Variants in NR3C2 observed in about 807,000 individuals in gnomAD.
The protein encoded by NR3C2 is mineralocorticoid receptor.
NR3C2 carries 15 observed loss-of-function variants against 86.4 expected under a neutral mutation model. The ratio of observed to expected loss-of-function variants is 0.17; its 90% CI spans 0.12 to 0.27. The LOEUF is 0.27. NR3C2 is among the 10% of genes least tolerant of loss of function. The pLI is 1.00. For synonymous variants in NR3C2, 458 were observed against 450.5 expected, an observed-to-expected ratio of 1.02 and a Z score of -0.21; for missense variants, 960 against 1,195.6, an observed-to-expected ratio of 0.80 and a Z score of 2.91.
rs114150906 is a variant in NR3C2 at position 148,411,676 on chromosome 4, G to A, written c.1757+23428C>T. On this transcript the variant is annotated intron_variant, in intron 2 of 8. Transcript: ENST00000358102. ...ATCCTTAAACCTTCTGGACAGTGTC[G>A]TCCTACTCACATCATCTTCAGACAA... Among the ~76,000 whole-genome samples, 161 of 152,194 alleles carry A rather than the reference G, an allele frequency of 1.1e-3. 2 individuals carry two copies. Among genetic ancestry groups the A allele is most frequent in the African/African-American group, 3.8e-3 (159 of 41,524 alleles).
At chr4:148,349,049 G>C (rs934943322) in intron 2 of NR3C2, among the ~76,000 whole-genome samples, 12 of 152,106 alleles carry the variant, frequency 7.9e-5, no homozygotes, top group Non-Finnish European at 1.8e-4. Context: ...GAAAGAAAAT[G>C]AAACGATCAT....
chr4:148,118,315 C>T (rs1488275879), intron 7 of NR3C2, among the ~76,000 whole-genome samples: 1 of 152,156 alleles, frequency 6.6e-6, no homozygotes, highest in African/African-American at 2.4e-5. Context: ...ACTCCAGTGG[C>T]CTTCTGTCGG....
intron 2 of NR3C2, among the ~76,000 whole-genome samples, chr4:148,376,895 CA>C (rs1404292520): frequency 2.6e-5 from 4 of 152,028 alleles, no homozygotes; most frequent in Non-Finnish European, 4.4e-5. Flanking sequence ...AAATCAACAA[CA>C]AAAACTCTTT....
At chr4:148,314,288 T>G (rs1743050632) in intron 2 of NR3C2, among the ~76,000 whole-genome samples, 1 of 152,230 alleles carries the variant, frequency 6.6e-6, no homozygotes, top group Non-Finnish European at 1.5e-5. Context: ...TTATGCTATT[T>G]TTAGTACAGT....
rs72645627 is a variant in NR3C2 at position 148,435,493 on chromosome 4, C to G, written c.1368G>C (p.Ser456=). 2 of 1,614,102 alleles carry G rather than the reference C, an allele frequency of 1.2e-6. No homozygotes were observed. The highest frequency in any genetic ancestry group is 2.2e-5 in the East Asian group (1 of 44,886). The change falls in exon 2 of 9, where the codon TCG becomes TCC. Residue 456 remains serine (S), a synonymous_variant. Transcript: ENST00000358102. ...TVNPFPFMDG[S]YFSFMDDKDY... is the part of the protein sequence containing the mutation. ...CTTTATCATCCATAAAGGAAAAATACGAGCCATCCATAAATGGAAACGGGT... is the reference window on the plus strand; with the variant it reads ...CTTTATCATCCATAAAGGAAAAATAGGAGCCATCCATAAATGGAAACGGGT...
intron 8 of NR3C2, among the ~76,000 whole-genome samples, chr4:148,106,525 T>C (rs1338326445): frequency 1.3e-5 from 2 of 152,098 alleles, no homozygotes; most frequent in Non-Finnish European, 2.9e-5. Flanking sequence ...TTAAATTTCA[T>C]ATGGAACCAA....
Position 148,379,814 on chromosome 4 carries a change from G to A in NR3C2, c.1757+55290C>T, listed in dbSNP as rs547349440. Among the ~76,000 whole-genome samples, 539 of 151,900 alleles carry A rather than the reference G, an allele frequency of 3.5e-3. 3 individuals are homozygous for A. Among genetic ancestry groups the A allele is most frequent in the African/African-American group, 0.012 (495 of 41,254 alleles). ...CAGGATAACATTAAACCTGGCCTCTGATCTTGTTCTTCCTCACAGATGCTC... is the reference window on the plus strand; with the variant it reads ...CAGGATAACATTAAACCTGGCCTCTAATCTTGTTCTTCCTCACAGATGCTC... On this transcript the variant is annotated intron_variant, in intron 2 of 8. Coordinates refer to ENST00000358102, the MANE Select transcript of NR3C2 (RefSeq NM_000901.5).
At chr4:148,283,377 G>C (rs977915776) in intron 2 of NR3C2, among the ~76,000 whole-genome samples, 1 of 152,152 alleles carries the variant, frequency 6.6e-6, no homozygotes, top group Non-Finnish European at 1.5e-5. Flanking sequence ...ACAACCCTCA[G>C]AATTTACAGT....
At chr4:148,095,825 A>T (rs1343928155) in intron 8 of NR3C2, among the ~76,000 whole-genome samples, 1 of 152,156 alleles carries the variant, frequency 6.6e-6, no homozygotes, top group African/African-American at 2.4e-5. Flanking sequence ...TAGGTGCTAC[A>T]GTGTCTCATG....
At chr4:148,219,958 T>A (rs6815356) in intron 3 of NR3C2, among the ~76,000 whole-genome samples, 1 of 152,110 alleles carries the variant, frequency 6.6e-6, no homozygotes, top group South Asian at 2.1e-4. Flanking sequence ...AGTCTCACTC[T>A]GTCACCCAAA....
At chr4:148,386,261 C>A (rs1326024871) in intron 2 of NR3C2, among the ~76,000 whole-genome samples, 2 of 152,170 alleles carry the variant, frequency 1.3e-5, no homozygotes. Flanking sequence ...AAAATAAAAT[C>A]CAACTTTAAC....
At chr4:148,324,305 C>CT (rs985666781) in intron 2 of NR3C2, among the ~76,000 whole-genome samples, 2 of 149,958 alleles carry the variant, frequency 1.3e-5, no homozygotes, top group Non-Finnish European at 3.0e-5. Flanking sequence ...GGACTTTTTT[C>CT]TTTTTTAAGA....
chr4:148,184,701 T>C (rs1735810287), intron 4 of NR3C2, among the ~76,000 whole-genome samples: 1 of 152,198 alleles, frequency 6.6e-6, no homozygotes, highest in African/African-American at 2.4e-5. Context: ...ATAAAATAGA[T>C]TGAGTTTACT....
intron 2 of NR3C2, among the ~76,000 whole-genome samples, chr4:148,356,915 G>GTT (rs1209566117): frequency 4.6e-5 from 2 of 43,764 alleles, no homozygotes; most frequent in African/African-American, 1.4e-4. Flanking sequence ...GTGTGTGTGT[G>GTT]TGTGTGTGTG....
chr4:148,109,624 C>T (rs1020206841), intron 8 of NR3C2, among the ~76,000 whole-genome samples: 28 of 152,334 alleles, frequency 1.8e-4, no homozygotes, highest in Non-Finnish European at 1.6e-4. Flanking sequence ...AACACATATG[C>T]GTACCATGTG....
At chr4:148,341,318 A>C (rs1744737774) in intron 2 of NR3C2, among the ~76,000 whole-genome samples, 1 of 152,202 alleles carries the variant, frequency 6.6e-6, no homozygotes, top group South Asian at 2.1e-4. Context: ...TATGGATGGA[A>C]CTGGAGGGCA....
rs1192960336 is a variant in NR3C2 at position 148,318,252 on chromosome 4, C to T, written c.1758-58135G>A. The stretch of plus-strand genomic sequence containing the variant: ...AGTATTCCATGGTGTATATGTGCCA[C>T]ATTTTCTTAATCCAGTCTATCATTG... On this transcript the variant is annotated intron_variant, in intron 2 of 8. Transcript: ENST00000358102. Among the ~76,000 whole-genome samples, 576 of 151,312 alleles carry T rather than the reference C, an allele frequency of 3.8e-3. 1 individual carries two copies. The highest frequency in any genetic ancestry group is 0.013 in the African/African-American group (550 of 41,178).
At chr4:148,247,892 A>G (rs1739393697) in intron 3 of NR3C2, among the ~76,000 whole-genome samples, 1 of 151,916 alleles carries the variant, frequency 6.6e-6, no homozygotes, top group Non-Finnish European at 1.5e-5. Context: ...GTTTTTCATG[A>G]TTCAGTGTGA....
chr4:148,255,325 T>G (rs1239469797), intron 3 of NR3C2, among the ~76,000 whole-genome samples: 2 of 152,184 alleles, frequency 1.3e-5, no homozygotes, highest in African/African-American at 4.8e-5. Context: ...TAAAGATCTT[T>G]AAAATGTATG....
Sources: gnomAD v4.1 joint callset for allele counts (sites outside exome capture counted in the v4.1 genomes callset) on GRCh38, gnomAD v4.1.1 for gene constraint, MANE v1.5 for transcripts, NCBI Gene and HGNC (gene_info 2026-07-23, HGNC 2026-07-21) for gene names.